The following ALG8 variants were observed in gnomAD, a reference collection of about 807,000 sequenced individuals.
The protein encoded by ALG8 is dolichyl pyrophosphate Glc1Man9GlcNAc2 alpha-1,3-glucosyltransferase.
In ALG8, 48 loss-of-function variants were observed where a neutral mutation model predicts 70.2. The ratio of observed to expected loss-of-function variants is 0.68; its 90% CI spans 0.54 to 0.87. The LOEUF (loss-of-function observed/expected upper bound fraction) is 0.87, where lower values mean the gene tolerates loss of function less well. Ranked by LOEUF, ALG8 falls within the 40% of genes least tolerant of loss-of-function variation. The probability of loss-of-function intolerance (pLI) is 0.00; values close to 1 mark genes in which losing one functional copy is unlikely to be tolerated. For synonymous variants in ALG8, 234 were observed against 229.0 expected, an observed-to-expected ratio of 1.02 and a Z score of -0.20; for missense variants, 572 against 608.7, an observed-to-expected ratio of 0.94 and a Z score of 0.64.
Position 78,113,878 on chromosome 11 carries a change from A to AAAAAT in ALG8, c.777+7_777+8insATTTT. 3.2e-6 allele frequency: 5 copies of AAAAAT among 1,539,150 alleles called. No homozygotes were observed. The highest frequency in any genetic ancestry group is 3.5e-6 in the Non-Finnish European group (4 of 1,142,038). On this transcript the variant is annotated splice_region_variant and intron_variant, in intron 7 of 12. Transcript: ENST00000299626. The stretch of plus-strand genomic sequence containing the variant: ...TATTAATTGAAAAAAAAAAAAAAAA[A>AAAAAT]GGCTTACCAAGGCCAGGAAAGGACC...
chr11:78,108,652 A>G (rs560486780), intron 9 of ALG8, among the ~76,000 whole-genome samples: 2 of 152,372 alleles, frequency 1.3e-5, no homozygotes, highest in East Asian at 1.9e-4. Context: ...CATAGAAACT[A>G]TATGTACCTC....
intron 8 of ALG8, chr11:78,112,279 A>G: frequency 3.1e-6 from 1 of 320,080 alleles, no homozygotes; most frequent in Non-Finnish European, 6.1e-6. Flanking sequence ...CCCTGTCTCT[A>G]AAAATAAGTA....
chr11:78,116,122 G>C (rs745596688), intron 5 of ALG8, among the ~76,000 whole-genome samples: 2 of 152,212 alleles, frequency 1.3e-5, no homozygotes, highest in South Asian at 4.1e-4. Context: ...CACTTTGGGA[G>C]ACCGAGGCGG....
At chr11:78,114,035 C>G in intron 6 of ALG8, 46 bp from the exon 7 acceptor site, 1 of 1,512,660 alleles carries the variant, frequency 6.6e-7, no homozygotes, top group African/African-American at 1.4e-5. Flanking sequence ...TGGAAAGGAA[C>G]ATTAACCATA....
At chr11:78,118,558 G>C (rs1256704899) in intron 5 of ALG8, among the ~76,000 whole-genome samples, 1 of 148,572 alleles carries the variant, frequency 6.7e-6, no homozygotes, top group Non-Finnish European at 1.5e-5. Context: ...AGAGGTTGCA[G>C]TGAGCCGGGA....
chr11:78,114,051 T>C, intron 6 of ALG8, 62 bp from the exon 7 acceptor site: 1 of 1,460,984 alleles, frequency 6.8e-7, no homozygotes, highest in Non-Finnish European at 9.4e-7. Context: ...CCATAACCTA[T>C]ATCATGTGCT....
chr11:78,128,493 T>C lies in ALG8; in HGVS notation c.96-1057A>G, dbSNP rs1026921241. 1.3e-4 allele frequency among the ~76,000 whole-genome samples: 20 copies of C among 152,312 alleles called. No homozygotes were observed. The East Asian group carries it at 3.9e-3, about 29-fold the overall frequency. On this transcript the variant is annotated intron_variant, in intron 1 of 12. Transcript: ENST00000299626. ...CCTTCCTATATTCATCAGGGACATG[T>C]TGATATTCCCCTAGGTTCAGTTCTT... is the stretch of plus-strand genomic sequence containing the variant.
At chr11:78,120,158 G>T (rs1860758995) in intron 4 of ALG8, among the ~76,000 whole-genome samples, 1 of 151,792 alleles carries the variant, frequency 6.6e-6, no homozygotes, top group African/African-American at 2.4e-5. Flanking sequence ...TAGACTAGAT[G>T]ATTTAAAATA....
chr11:78,130,293 G>A (rs1017646609), intron 1 of ALG8, among the ~76,000 whole-genome samples: 14 of 128,974 alleles, frequency 1.1e-4, no homozygotes, highest in African/African-American at 3.7e-4. Flanking sequence ...AGGCTACAGT[G>A]AGCCAAGTTT....
chr11:78,107,706 G>A (rs934298979), intron 9 of ALG8: 6 of 217,430 alleles, frequency 2.8e-5, no homozygotes, highest in Non-Finnish European at 4.9e-5. Context: ...GCTGGGCGTG[G>A]TGGTACATAC....
At chr11:78,117,880 C>G (rs967108523) in intron 5 of ALG8, among the ~76,000 whole-genome samples, 1 of 151,712 alleles carries the variant, frequency 6.6e-6, no homozygotes, top group African/African-American at 2.4e-5. Flanking sequence ...CAAGACCATA[C>G]TGTAAATGGT....
At chr11:78,106,690 C>T in intron 10 of ALG8, 117 bp downstream of exon 10, 2 of 1,357,472 alleles carry the variant, frequency 1.5e-6, no homozygotes, top group South Asian at 2.4e-5. Context: ...ACATCTGTTC[C>T]TATACATCTT....
At chr11:78,116,771 A>C (rs1462482903) in intron 5 of ALG8, among the ~76,000 whole-genome samples, 1 of 152,174 alleles carries the variant, frequency 6.6e-6, no homozygotes, top group Non-Finnish European at 1.5e-5. Flanking sequence ...TTTCGGAAGG[A>C]TTAAATGAGA....
rs1280023638 is a variant in ALG8, at chr11:78,106,790, C to T, written c.1178+17G>A. ...TGAAATATGCCAAAATGCTCACTGGCTGAGCTATCTGCTTACCTCATTGGG... is the reference window on the plus strand; with the variant it reads ...TGAAATATGCCAAAATGCTCACTGGTTGAGCTATCTGCTTACCTCATTGGG... On this transcript the variant is annotated intron_variant, in intron 10 of 12. Coordinates refer to ENST00000299626, the MANE Select transcript of ALG8 (RefSeq NM_024079.5). 1 of 1,613,716 alleles carries T rather than the reference C, an allele frequency of 6.2e-7. No individual in the cohort carries two copies. Among genetic ancestry groups the T allele is most frequent in the Non-Finnish European group, 8.5e-7 (1 of 1,179,836 alleles).
chr11:78,123,742 A>T (rs1860935043), intron 3 of ALG8, among the ~76,000 whole-genome samples: 1 of 152,174 alleles, frequency 6.6e-6, no homozygotes. Context: ...GGGTGGGAGA[A>T]ATGGCCCTAG....
Position 78,122,539 on chromosome 11 carries a change from A to G in ALG8, c.369-1365T>C, listed in dbSNP as rs909666094. On this transcript the variant is annotated intron_variant, in intron 3 of 12. Coordinates refer to ENST00000299626, the MANE Select transcript of ALG8 (RefSeq NM_024079.5). ...GTATTTTTAGTAGAGGCAGGGTTTC[A>G]CCATGTTATCCAGGCTGGTCTCAAA... Among the ~76,000 whole-genome samples the G allele has an allele frequency of 5.9e-5, 9 of 152,048 alleles. No homozygotes were observed. The East Asian group carries it at 9.7e-4, about 16-fold the overall frequency.
intron 3 of ALG8, 148 bp downstream of exon 3, chr11:78,123,873 A>ACAT: frequency 1.2e-6 from 1 of 865,316 alleles, no homozygotes; most frequent in Non-Finnish European, 1.8e-6. Flanking sequence ...TTAAACATGT[A>ACAT]GTTTAAAGCA....
intron 11 of ALG8, 90 bp downstream of exon 11, chr11:78,104,266 A>G (rs1277073079): frequency 4.2e-5 from 51 of 1,214,780 alleles, no homozygotes; most frequent in Non-Finnish European, 5.7e-5. Context: ...AAGAGATTTT[A>G]GAGTTGTTTA....
At chr11:78,113,774 G>T in intron 7 of ALG8, 112 bp downstream of exon 7, 1 of 824,416 alleles carries the variant, frequency 1.2e-6, no homozygotes, top group Non-Finnish European at 1.9e-6. Flanking sequence ...GTTGGGTAAG[G>T]AGTAAGAAAA....
Sources: gnomAD v4.1 joint callset for allele counts (sites outside exome capture counted in the v4.1 genomes callset) on GRCh38, gnomAD v4.1.1 for gene constraint, MANE v1.5 for transcripts, NCBI Gene and HGNC (gene_info 2026-07-23, HGNC 2026-07-21) for gene names.